HIP1R: variants seen among roughly 807,000 people sequenced by gnomAD.
HIP1R encodes huntingtin interacting protein 1 related, also known as huntingtin-interacting protein 1-related protein.
In HIP1R, 135 loss-of-function variants were observed where a neutral mutation model predicts 144.2. The ratio of observed to expected loss-of-function variants is 0.94; its 90% CI spans 0.81 to 1.08. HIP1R has a LOEUF of 1.08. HIP1R is among the 50% of genes least tolerant of loss of function. The pLI is 0.00. For synonymous variants in HIP1R, 698 were observed against 612.8 expected (o/e 1.14, Z -2.05); for missense variants, 1,462 against 1,432.8 (o/e 1.02, Z -0.33).
rs1566098727 is a variant in HIP1R, at chr12:122,836,473, A to C, written c.93+830A>C. Among the ~76,000 whole-genome samples, 1 of 152,024 alleles carries C rather than the reference A, an allele frequency of 6.6e-6. No homozygotes were observed. Among genetic ancestry groups the C allele is most frequent in the Non-Finnish European group, 1.5e-5 (1 of 68,010 alleles). On this transcript the variant is annotated intron_variant, in intron 1 of 31. Coordinates refer to ENST00000253083, the MANE Select transcript of HIP1R (RefSeq NM_003959.3). This position sits in a 1 kb window ranked among gnomAD's most constrained non-coding sequence, Gnocchi z 4.1. Reference sequence around the variant, plus strand: ...TTTTGTACTTGTGTTTGTGCCGGGGACCCACGATGCAGACGTTGCTGCGTT... The same window carrying C: ...TTTTGTACTTGTGTTTGTGCCGGGGCCCCACGATGCAGACGTTGCTGCGTT...
rs749470787 is a variant in HIP1R, at chr12:122,861,701, T to C, written c.3160-5T>C. ...CCACTGACCCCCCACCTTTAACCCC[T>C]GCAGCTTGACAAAAAGGATGGCATC... On this transcript the variant is annotated splice_polypyrimidine_tract_variant and splice_region_variant and intron_variant, in intron 31 of 31. Coordinates refer to ENST00000253083, the MANE Select transcript of HIP1R (RefSeq NM_003959.3). The C allele has an allele frequency of 1.2e-6, 2 of 1,614,084 alleles. No homozygotes were observed. Among genetic ancestry groups the C allele is most frequent in the South Asian group, 2.2e-5 (2 of 91,084 alleles).
At chr12:122,860,109 C>T (rs2033723452) in intron 25 of HIP1R, 32 bp downstream of exon 25, 1 of 1,584,394 alleles carries the variant, frequency 6.3e-7, no homozygotes, top group South Asian at 1.2e-5. Flanking sequence ...GGGTCTGCAC[C>T]TGGAGGGCCA....
chr12:122,861,910 G>A lies in HIP1R; in HGVS notation c.*157G>A. On this transcript the variant is annotated 3_prime_UTR_variant, in exon 32 of 32. Coordinates refer to ENST00000253083, the MANE Select transcript of HIP1R (RefSeq NM_003959.3). ...AAGGCCCCTGGCCCTTACTGAGCCT[G>A]CAGGGTCCTGGGCCATGTGGGTGGT... is the stretch of plus-strand genomic sequence containing the variant. 1.5e-6 allele frequency: 1 copy of A among 659,974 alleles called. No homozygotes were observed. Among genetic ancestry groups the A allele is most frequent in the Admixed American group, 2.9e-5 (1 of 34,590 alleles). 40.9% of individuals were successfully genotyped at this position (659,974 alleles called of 1,614,324 possible).
At position 122,847,975 on chromosome 12, in the gene HIP1R, G is replaced by C. The variant is rs747346997; in HGVS notation, c.94-56G>C. The C allele has an allele frequency of 2.2e-5, 34 of 1,546,282 alleles. No individual in the cohort carries two copies. The East Asian group carries it at 6.5e-4, about 30-fold the overall frequency. On this transcript the variant is annotated intron_variant, in intron 1 of 31. Coordinates refer to ENST00000253083, the MANE Select transcript of HIP1R (RefSeq NM_003959.3). ...TATTGTGCTTCTCCCCCTTGGGGTG[G>C]TGTCTCCTGGGGTGGCTGCCTGGGG...
rs550493769 is a variant in HIP1R at position 122,840,116 on chromosome 12, G to A, written c.93+4473G>A. On this transcript the variant is annotated intron_variant, in intron 1 of 31. Transcript: ENST00000253083. This position sits in a 1 kb window ranked among gnomAD's most constrained non-coding sequence, Gnocchi z 4.2. ...TGGTGATGCCCTCGTGGTGATGCCC[G>A]GCAGGCCGCTGACTTCCCGACCCCT... 3.9e-5 allele frequency among the ~76,000 whole-genome samples: 6 copies of A among 152,312 alleles called. No individual in the cohort carries two copies. The highest frequency in any genetic ancestry group is 4.1e-4 in the South Asian group (2 of 4,830).
intron 1 of HIP1R, among the ~76,000 whole-genome samples, chr12:122,845,458 C>G (rs1348257148): frequency 6.6e-6 from 1 of 152,228 alleles, no homozygotes; most frequent in African/African-American, 2.4e-5. Flanking sequence ...TCCCCTGCCG[C>G]CAGCGCGGGG....
rs1460651363 is a variant in HIP1R at position 122,860,923 on chromosome 12, C to T, written c.2774C>T (p.Ala925Val). ...TGACCTCTCGCCCCTCAGGTGAAGG[C>T]CAACAAGCACAGCCCCCACCTGAGC... Reference protein sequence around the residue: ...AQLVAASKVKANKHSPHLSRL... With the variant: ...AQLVAASKVKVNKHSPHLSRL... Residue 925 changes from alanine to valine, a missense_variant, in exon 29 of 32, where the codon GCC becomes GTC. Physicochemically the swap from Ala to Val is moderately conservative, Grantham distance 64. Coordinates refer to ENST00000253083, the MANE Select transcript of HIP1R (RefSeq NM_003959.3). 1 of 1,610,652 alleles carries T rather than the reference C, an allele frequency of 6.2e-7. No individual in the cohort carries two copies. The highest frequency in any genetic ancestry group is 2.2e-5 in the East Asian group (1 of 44,744).
intron 1 of HIP1R, 50 bp from the exon 2 acceptor site, chr12:122,847,981 C>T (rs375011579): frequency 6.3e-6 from 10 of 1,589,730 alleles, no homozygotes; most frequent in Admixed American, 3.3e-5. Flanking sequence ...GGTGGTGTCT[C>T]CTGGGGTGGC....
intron 8 of HIP1R, among the ~76,000 whole-genome samples, chr12:122,854,646 C>T (rs931227268): frequency 4.6e-5 from 7 of 152,228 alleles, no homozygotes; most frequent in South Asian, 2.1e-4. Context: ...TAGTGCCTCC[C>T]GAAGCCAGGT....
chr12:122,849,878 C>A lies in HIP1R; in HGVS notation c.361C>A (p.His121Asn). ...CACCCTGTCTGTCTTCACACAGGGA[C>A]ATTTGCATGACCGCTACGGACAGCT... The part of the protein sequence containing the change: ...NIREIGDLWG[H>N]LHDRYGQLVN... Residue 121 changes from histidine (H) to asparagine (N), a missense_variant, in exon 5 of 32, where the codon CAT becomes AAT. This residue lies in a region of HIP1R where 350 missense variants were observed against 421.1 expected (regional missense o/e 0.83). Coordinates refer to ENST00000253083, the MANE Select transcript of HIP1R (RefSeq NM_003959.3). The A allele has an allele frequency of 1.9e-6, 3 of 1,612,302 alleles. No individual in the cohort carries two copies. Among genetic ancestry groups the A allele is most frequent in the Non-Finnish European group, 2.5e-6 (3 of 1,178,886 alleles).
Position 122,848,477 on chromosome 12 carries a change from G to A in HIP1R, c.169G>A (p.Gly57Ser). 1 of 1,612,350 alleles carries A rather than the reference G, an allele frequency of 6.2e-7. No homozygotes were observed. The highest frequency in any genetic ancestry group is 8.5e-7 in the Non-Finnish European group (1 of 1,179,400). The change falls in exon 3 of 32, where the codon GGC (glycine) becomes AGC (serine). Residue 57 changes from glycine (G) to serine (S), a missense_variant. Gly to Ser is a moderately conservative substitution (Grantham distance 56, BLOSUM62 0). Transcript: ENST00000253083. Reference sequence around the variant, plus strand: ...CCTTGACATTGCAGGCATCATTCTGGGCACACACCACGAGAAGGGGGCTTT... The same window carrying A: ...CCTTGACATTGCAGGCATCATTCTGAGCACACACCACGAGAAGGGGGCTTT... Reference protein sequence around the residue: ...KEKHARRIILGTHHEKGAFTF... With the variant: ...KEKHARRIILSTHHEKGAFTF...
chr12:122,859,940 CAG>C lies in HIP1R; in HGVS notation c.2466-105_2466-104del, dbSNP rs1272466279. The C allele has an allele frequency of 2.7e-6, 4 of 1,457,872 alleles. No homozygotes were observed. In the African/African-American group the frequency reaches 4.2e-5, roughly 15 times the overall value. 90.3% of individuals were successfully genotyped at this position (1,457,872 alleles called of 1,614,324 possible). A position where few individuals can be genotyped will look rare whatever the true frequency, so the allele number is the denominator to read the frequency against. On this transcript the variant is annotated intron_variant, in intron 24 of 31. Coordinates refer to ENST00000253083, the MANE Select transcript of HIP1R (RefSeq NM_003959.3). The stretch of plus-strand genomic sequence containing the variant: ...CGGGAAAGGAAGGCCTGGCTCAGAG[CAG>C]ACACTCCCTCCCCACCTGCTGAGCC...
chr12:122,846,694 T>C (rs2033220358), intron 1 of HIP1R, among the ~76,000 whole-genome samples: 1 of 152,122 alleles, frequency 6.6e-6, no homozygotes, highest in Non-Finnish European at 1.5e-5. Flanking sequence ...GACACCTGCC[T>C]GGGAGGGTCC....
In HIP1R at chr12:122,855,384, G is replaced by GC. The variant is rs1566110178; in HGVS notation, c.978dup (p.Ala327ArgfsTer9). ...AGAATCTCATTGAGATCAGCACAGG[G>GC]CCCCCCGCGGGGGAGCCAGTGGTGA... On this transcript the variant is annotated frameshift_variant, in exon 11 of 32. Coordinates refer to ENST00000253083, the MANE Select transcript of HIP1R (RefSeq NM_003959.3). LOFTEE classifies it high-confidence loss of function. 3 of 1,576,838 alleles carry GC rather than the reference G, an allele frequency of 1.9e-6. No homozygotes were observed. Among genetic ancestry groups the GC allele is most frequent in the South Asian group, 1.1e-5 (1 of 87,258 alleles).
rs1398497526 is a variant in HIP1R at position 122,836,361 on chromosome 12, C to T, written c.93+718C>T. ...ACAGACAGAAACTTCCTGGGGCTCC[C>T]TTCCTGCGCCTCCCACGCTTGTAAC... On this transcript the variant is annotated intron_variant, in intron 1 of 31. Coordinates refer to ENST00000253083, the MANE Select transcript of HIP1R (RefSeq NM_003959.3). This position sits in a 1 kb window ranked among gnomAD's most constrained non-coding sequence, Gnocchi z 4.1. Among the ~76,000 whole-genome samples the T allele has an allele frequency of 6.6e-6, 1 of 152,144 alleles. No individual in the cohort carries two copies. The highest frequency in any genetic ancestry group is 1.5e-5 in the Non-Finnish European group (1 of 68,030).
intron 1 of HIP1R, among the ~76,000 whole-genome samples, chr12:122,837,462 G>A (rs989377412): frequency 1.3e-5 from 2 of 152,126 alleles, no homozygotes; most frequent in Non-Finnish European, 2.9e-5. Flanking sequence ...GGGACTACAA[G>A]CGTGCGCCAC....
rs903730172 is a variant in HIP1R, at chr12:122,840,450, C to T, written c.93+4807C>T. Among the ~76,000 whole-genome samples, 6 of 152,226 alleles carry T rather than the reference C, an allele frequency of 3.9e-5. No homozygotes were observed. Among genetic ancestry groups the T allele is most frequent in the African/African-American group, 1.4e-4 (6 of 41,440 alleles). On this transcript the variant is annotated intron_variant, in intron 1 of 31. Transcript: ENST00000253083. The surrounding 1 kb of genome is among the most constrained non-coding windows in gnomAD (Gnocchi z 4.2). ...CCAGGTTCAGCCCCTGGCTCTGTCC[C>T]TTCACCACTCTGCCTCAGTTTCCTT... is the stretch of plus-strand genomic sequence containing the variant.
rs2033736319 is a variant in HIP1R at position 122,860,502 on chromosome 12, G to A, written c.2639G>A (p.Gly880Asp). 2.5e-6 allele frequency: 4 copies of A among 1,612,902 alleles called. No homozygotes were observed. Among genetic ancestry groups the A allele is most frequent in the Non-Finnish European group, 3.4e-6 (4 of 1,179,838 alleles). ...EGLISASKAV[G>D]WGATQLVEAA... ...CTCATCTCGGCCTCCAAGGCTGTGG[G>A]CTGGGGAGCCACACAGCTGGTGTAG... The change falls in exon 27 of 32, where the codon GGC becomes GAC. Residue 880 changes from glycine to aspartate, a missense_variant. Around this residue, in one of 2 missense-constraint regions of HIP1R, gnomAD observed 1,112 missense variants for 1,011.7 expected, o/e 1.10. Transcript: ENST00000253083.
chr12:122,857,506 C>A, intron 18 of HIP1R: 1 of 537,400 alleles, frequency 1.9e-6, no homozygotes, highest in Non-Finnish European at 3.4e-6. Flanking sequence ...TTGCAACTTT[C>A]TGGCTGTTGT....
Sources: allele counts gnomAD v4.1 joint callset (sites outside exome capture counted in the v4.1 genomes callset), GRCh38; gene constraint gnomAD v4.1.1; regional missense constraint gnomAD v4.1.1; non-coding constraint Gnocchi (gnomAD v3.1); transcripts MANE v1.5; gene names NCBI Gene and HGNC (gene_info 2026-07-23, HGNC 2026-07-21).